Variants in HTR2C observed in about 807,000 individuals in gnomAD.
HTR2C encodes the protein 5-hydroxytryptamine receptor 2C, also known as 5-hydroxytryptamine (serotonin) receptor 2C, G protein-coupled.
In HTR2C, 5 loss-of-function variants were observed where a neutral mutation model predicts 21.0. That is an observed-to-expected ratio of 0.24 (90% CI 0.12 to 0.50). The LOEUF (loss-of-function observed/expected upper bound fraction) is 0.50, where lower values mean the gene tolerates loss of function less well. HTR2C is among the 20% of genes least tolerant of loss of function. The pLI is 0.98. For synonymous variants in HTR2C, 150 were observed against 145.3 expected, an observed-to-expected ratio of 1.03 and a Z score of -0.23; for missense variants, 271 against 371.2, an observed-to-expected ratio of 0.73 and a Z score of 2.22.
intron 2 of HTR2C, among the ~76,000 whole-genome samples, chrX:114,658,064 TTTTTG>T (rs1930851964): frequency 1.8e-5 from 2 of 111,018 alleles, no homozygotes; most frequent in East Asian, 2.8e-4. Flanking sequence ...AAACAATTTT[TTTTTG>T]TTTGTTTGTT....
intron 2 of HTR2C, among the ~76,000 whole-genome samples, chrX:114,645,876 A>G (rs113673946): frequency 0.021 from 2,344 of 111,938 alleles, 65 homozygotes; most frequent in African/African-American, 0.071. Flanking sequence ...TAAGAAATCT[A>G]GGAAGGTTGA....
intron 1 of HTR2C, among the ~76,000 whole-genome samples, chrX:114,594,732 TG>T (rs1427625039): frequency 9.1e-6 from 1 of 109,616 alleles, no homozygotes; most frequent in African/African-American, 3.3e-5. Context: ...AATGCAGATA[TG>T]TTTTTTTGAG....
Position 114,908,564 on chromosome X carries a change from T to A in HTR2C, c.*1149T>A, listed in dbSNP as rs2071392705. ...GATTACAGAAACACGGAGTTTCCAT[T>A]TGGATTTTAAACAAAATTTATGTCA... On this transcript the variant is annotated 3_prime_UTR_variant, in exon 6 of 6. Coordinates refer to ENST00000276198, the MANE Select transcript of HTR2C (RefSeq NM_000868.4). 8.9e-6 allele frequency: 1 copy of A among 112,178 alleles called. No individual in the cohort carries two copies. Among genetic ancestry groups the A allele is most frequent in the Admixed American group, 9.5e-5 (1 of 10,502 alleles). The allele number at this position is 112,178 out of a possible 1,213,427, so 9.2% of individuals were successfully genotyped here. A position where few individuals can be genotyped will look rare whatever the true frequency, so the allele number is the denominator to read the frequency against.
intron 5 of HTR2C, among the ~76,000 whole-genome samples, chrX:114,876,509 T>C (rs922751522): frequency 9.6e-6 from 1 of 103,679 alleles, no homozygotes; most frequent in Non-Finnish European, 2.0e-5. Flanking sequence ...CACCCTTGTC[T>C]TGTTCCTCAT....
At chrX:114,757,708 A>G (rs1239445770) in intron 4 of HTR2C, among the ~76,000 whole-genome samples, 1 of 112,259 alleles carries the variant, frequency 8.9e-6, no homozygotes, top group Non-Finnish European at 1.9e-5. Context: ...TGTAGGTATT[A>G]AATAGTTCAA....
At chrX:114,585,291 T>G (rs1556389270) in intron 1 of HTR2C, among the ~76,000 whole-genome samples, 1 of 111,632 alleles carries the variant, frequency 9.0e-6, no homozygotes, top group Non-Finnish European at 1.9e-5. Flanking sequence ...CTAACAGCTG[T>G]TAGCTGAATT....
chrX:114,812,678 G>A (rs1032808447), intron 4 of HTR2C, among the ~76,000 whole-genome samples: 17 of 109,524 alleles, frequency 1.6e-4, no homozygotes, highest in Non-Finnish European at 2.7e-4. Context: ...ACAGTGACCC[G>A]AGATTGCGCC....
At chrX:114,766,241 T>A (rs1214729332) in intron 4 of HTR2C, among the ~76,000 whole-genome samples, 1 of 111,731 alleles carries the variant, frequency 9.0e-6, no homozygotes, top group Non-Finnish European at 1.9e-5. Flanking sequence ...AGTATCATTA[T>A]GAAGTTAGAA....
intron 1 of HTR2C, among the ~76,000 whole-genome samples, chrX:114,591,896 T>C (rs1927648211): frequency 8.9e-6 from 1 of 111,793 alleles, no homozygotes; most frequent in African/African-American, 3.2e-5. Flanking sequence ...TTTTGCAATT[T>C]ATGGTATAGG....
At chrX:114,760,519 T>C (rs1164991919) in intron 4 of HTR2C, among the ~76,000 whole-genome samples, 7 of 111,216 alleles carry the variant, frequency 6.3e-5, no homozygotes, top group African/African-American at 2.0e-4. Flanking sequence ...CCACATCTTT[T>C]ATTTTTTTCT....
chrX:114,750,366 T>A (rs1186221274), intron 4 of HTR2C, among the ~76,000 whole-genome samples: 1 of 112,305 alleles, frequency 8.9e-6, no homozygotes, highest in East Asian at 2.8e-4. Context: ...ATCTGTTCTG[T>A]CTTCTATTAC....
At chrX:114,768,851 G>A (rs1403321414) in intron 4 of HTR2C, among the ~76,000 whole-genome samples, 3 of 111,141 alleles carry the variant, frequency 2.7e-5, no homozygotes, top group Non-Finnish European at 5.7e-5. Flanking sequence ...GGCAACTGCA[G>A]TGAATCTAAG....
At chrX:114,738,387 T>C (rs1460891258) in intron 4 of HTR2C, among the ~76,000 whole-genome samples, 1 of 111,656 alleles carries the variant, frequency 9.0e-6, no homozygotes, top group African/African-American at 3.3e-5. Context: ...ACACCATAAA[T>C]GTATACTAAT....
At chrX:114,607,774 C>T (rs782608076) in intron 1 of HTR2C, among the ~76,000 whole-genome samples, 2 of 111,208 alleles carry the variant, frequency 1.8e-5, no homozygotes, top group Non-Finnish European at 3.8e-5. Flanking sequence ...GGTGGATCAC[C>T]TGAGATCAGG....
intron 4 of HTR2C, among the ~76,000 whole-genome samples, chrX:114,746,613 G>A (rs868948413): frequency 9.0e-6 from 1 of 111,176 alleles, no homozygotes; most frequent in African/African-American, 3.3e-5. Flanking sequence ...CAGCAATCTG[G>A]GAGGCTGAGG....
intron 2 of HTR2C, among the ~76,000 whole-genome samples, chrX:114,653,185 G>T: frequency 9.3e-6 from 1 of 107,846 alleles, no homozygotes; most frequent in East Asian, 2.9e-4. Flanking sequence ...TATCCAAAAT[G>T]TTTCAGTAAT....
intron 2 of HTR2C, among the ~76,000 whole-genome samples, chrX:114,658,069 G>T (rs782162488): frequency 3.7e-5 from 4 of 107,471 alleles, no homozygotes; most frequent in African/African-American, 6.7e-5. Flanking sequence ...ATTTTTTTTT[G>T]TTTGTTTGTT....
chrX:114,764,872 T>C (rs993806658), intron 4 of HTR2C, among the ~76,000 whole-genome samples: 1 of 40,477 alleles, frequency 2.5e-5, no homozygotes, highest in African/African-American at 1.0e-4. Context: ...TCAATCTTTC[T>C]TTCTTTCTTT....
At position 114,820,208 on chromosome X, in the gene HTR2C, T is replaced by C. The variant is rs115315599; in HGVS notation, c.350-27795T>C. The stretch of plus-strand genomic sequence containing the variant: ...ATTTTTAACTTTGTTTTCTTTGGGG[T>C]ACATAGTAGATATATAAATATTATA... On this transcript the variant is annotated intron_variant, in intron 4 of 5. Coordinates refer to ENST00000276198, the MANE Select transcript of HTR2C (RefSeq NM_000868.4). 5.5e-3 allele frequency among the ~76,000 whole-genome samples: 601 copies of C among 109,138 alleles called. 2 individuals carry two copies. Among genetic ancestry groups the C allele is most frequent in the African/African-American group, 0.019 (577 of 30,202 alleles). The allele number at this position is 109,138 out of a possible 115,157, so 94.8% of individuals were successfully genotyped here. A position where few individuals can be genotyped will look rare whatever the true frequency, so the allele number is the denominator to read the frequency against.
Sources: allele counts gnomAD v4.1 joint callset (sites outside exome capture counted in the v4.1 genomes callset), GRCh38; gene constraint gnomAD v4.1.1; transcripts MANE v1.5; gene names NCBI Gene and HGNC (gene_info 2026-07-23, HGNC 2026-07-21).